The following LNPK variants were observed in gnomAD, a reference collection of about 807,000 sequenced individuals.
The protein encoded by LNPK is lunapark, ER junction formation factor.
LNPK carries 29 observed loss-of-function variants against 55.2 expected under a neutral mutation model. The observed-to-expected ratio is 0.53, with a 90% confidence interval of 0.39 to 0.72. LNPK has a LOEUF of 0.72. Among genes scored for constraint, LNPK ranks in the 30% least tolerant of loss-of-function variants. The pLI, the probability that LNPK is intolerant of heterozygous loss-of-function variation, is 0.00. For synonymous variants in LNPK, 162 were observed against 168.2 expected (o/e 0.96, Z 0.29); for missense variants, 467 against 494.8 (o/e 0.94, Z 0.53).
chr2:175,978,143 C>A (rs975475723), intron 5 of LNPK, among the ~76,000 whole-genome samples: 3 of 151,500 alleles, frequency 2.0e-5, no homozygotes, highest in Non-Finnish European at 4.4e-5. Context: ...AACCATGGAT[C>A]AAAAATATTC....
At chr2:175,997,864 G>A (rs62187032) in intron 1 of LNPK, among the ~76,000 whole-genome samples, 8,930 of 151,228 alleles carry the variant, frequency 0.059, 340 homozygotes, top group South Asian at 0.096. Flanking sequence ...GTCTCCAAAG[G>A]TGTAGCTGGG....
intron 8 of LNPK, among the ~76,000 whole-genome samples, chr2:175,957,091 C>T (rs1685730915): frequency 6.6e-6 from 1 of 152,116 alleles, no homozygotes; most frequent in Non-Finnish European, 1.5e-5. Context: ...GGCGCAGTAG[C>T]TCACACCTAT....
chr2:175,930,364 A>G (rs562036138), intron 12 of LNPK, among the ~76,000 whole-genome samples, 165 bp from the exon 13 acceptor site: 8 of 152,044 alleles, frequency 5.3e-5, no homozygotes, highest in African/African-American at 1.9e-4. Flanking sequence ...ATCTTTTACA[A>G]TAAGTACATA....
intron 4 of LNPK, among the ~76,000 whole-genome samples, chr2:175,985,094 T>C (rs906758912): frequency 1.3e-5 from 2 of 152,186 alleles, no homozygotes; most frequent in African/African-American, 2.4e-5. Context: ...AAACGCCAAT[T>C]TCAAAATGTT....
At chr2:175,931,173 C>T (rs895260542) in intron 12 of LNPK, among the ~76,000 whole-genome samples, 4 of 152,112 alleles carry the variant, frequency 2.6e-5, no homozygotes, top group Non-Finnish European at 4.4e-5. Context: ...AGAAATATGG[C>T]CAAACCATAT....
chr2:175,950,141 C>T (rs535989743), intron 8 of LNPK, among the ~76,000 whole-genome samples: 68 of 151,936 alleles, frequency 4.5e-4, no homozygotes, highest in Non-Finnish European at 8.2e-4. Flanking sequence ...GTTTTAACAC[C>T]CTCATCAATG....
chr2:175,998,686 G>A (rs935716348), intron 1 of LNPK, among the ~76,000 whole-genome samples: 3 of 152,108 alleles, frequency 2.0e-5, no homozygotes, highest in African/African-American at 7.2e-5. Context: ...ATAAGCACAA[G>A]AAATAGTATT....
intron 1 of LNPK, 143 bp downstream of exon 1, chr2:176,002,017 G>A: frequency 3.4e-6 from 1 of 291,464 alleles, no homozygotes; most frequent in South Asian, 2.6e-5. Context: ...AGCAGCCGCC[G>A]CAGAGCTCTA....
intron 8 of LNPK, among the ~76,000 whole-genome samples, chr2:175,963,325 A>G (rs1488458280): frequency 6.6e-6 from 1 of 152,180 alleles, no homozygotes; most frequent in Non-Finnish European, 1.5e-5. Context: ...ACAATGATTG[A>G]CTGGATTAAG....
rs184711511 is a variant in LNPK at position 175,957,426 on chromosome 2, C to T, written c.493+6946G>A. Reference sequence around the variant, plus strand: ...ATGTCTTCCCATGTTCTCAGACTTTCCTCATTGCTAAAGATGAGCTATCAC... The same window carrying T: ...ATGTCTTCCCATGTTCTCAGACTTTTCTCATTGCTAAAGATGAGCTATCAC... On this transcript the variant is annotated intron_variant, in intron 8 of 12. Transcript: ENST00000272748. 3.1e-3 allele frequency among the ~76,000 whole-genome samples: 477 copies of T among 151,882 alleles called. 2 individuals carry two copies. The highest frequency in any genetic ancestry group is 9.4e-3 in the African/African-American group (389 of 41,412).
At chr2:175,956,951 TGAC>T (rs1559044542) in intron 8 of LNPK, among the ~76,000 whole-genome samples, 1 of 152,204 alleles carries the variant, frequency 6.6e-6, no homozygotes, top group Non-Finnish European at 1.5e-5. Flanking sequence ...ATTAAATTTA[TGAC>T]TATTCATTTT....
In LNPK at chr2:175,937,268, T is replaced by C. The variant is rs1684593788; in HGVS notation, c.1054+76A>G. ...AATCTGATAAATTAATCCATCTTTA[T>C]CTAAAAGCATTATGCTTTTATTACT... On this transcript the variant is annotated intron_variant, in intron 12 of 12. Transcript: ENST00000272748. The C allele has an allele frequency of 2.9e-6, 4 of 1,357,182 alleles. No homozygotes were observed. In the African/African-American group the frequency reaches 4.4e-5, roughly 15 times the overall value. 84.1% of individuals were successfully genotyped at this position (1,357,182 alleles called of 1,614,324 possible).
At position 175,992,230 on chromosome 2, in the gene LNPK, C is replaced by T; in HGVS notation, c.257+1G>A. 6.5e-7 allele frequency: 1 copy of T among 1,546,794 alleles called. No homozygotes were observed. Among genetic ancestry groups the T allele is most frequent in the South Asian group, 1.3e-5 (1 of 79,172 alleles). ...ATCAACAAAAAGAATAATTTACTTACATCAATGGAAAAGCAAAAAATGGGA... is the reference window on the plus strand; with the variant it reads ...ATCAACAAAAAGAATAATTTACTTATATCAATGGAAAAGCAAAAAATGGGA... On this transcript the variant is annotated splice_donor_variant, in intron 4 of 12. Coordinates refer to ENST00000272748, the MANE Select transcript of LNPK (RefSeq NM_030650.3). LOFTEE classifies it high-confidence loss of function.
intron 5 of LNPK, among the ~76,000 whole-genome samples, chr2:175,972,916 G>A (rs1002899147): frequency 9.2e-5 from 14 of 152,140 alleles, no homozygotes; most frequent in Admixed American, 2.6e-4. Flanking sequence ...TAGAAACACA[G>A]AAATTTCCTT....
intron 5 of LNPK, among the ~76,000 whole-genome samples, chr2:175,974,491 C>T (rs7589918): frequency 1.5e-3 from 225 of 152,160 alleles, no homozygotes; most frequent in African/African-American, 5.1e-3. Context: ...GTAGGATGAA[C>T]GCAGCTAAAG....
chr2:175,995,710 G>GC, intron 1 of LNPK, 64 bp from the exon 2 acceptor site: 1 of 567,872 alleles, frequency 1.8e-6, no homozygotes, highest in Non-Finnish European at 3.1e-6. Flanking sequence ...TATAGATGTT[G>GC]CAATACTGCC....
At chr2:175,985,947 T>C (rs1687387961) in intron 4 of LNPK, among the ~76,000 whole-genome samples, 1 of 152,158 alleles carries the variant, frequency 6.6e-6, no homozygotes, top group South Asian at 2.1e-4. Flanking sequence ...TAGGTGAGGG[T>C]ACCTGCAACC....
intron 5 of LNPK, among the ~76,000 whole-genome samples, chr2:175,974,848 C>T (rs1686832748): frequency 6.6e-6 from 1 of 151,420 alleles, no homozygotes; most frequent in African/African-American, 2.4e-5. Flanking sequence ...TGAATTAGTA[C>T]AATTAAAAAC....
At chr2:175,945,327 C>T (rs534138851) in intron 9 of LNPK, among the ~76,000 whole-genome samples, 13 of 150,306 alleles carry the variant, frequency 8.6e-5, no homozygotes, top group Non-Finnish European at 1.6e-4. Context: ...CTGGCCAATA[C>T]GGCGAAACTC....
Sources: gnomAD v4.1 joint callset for allele counts (sites outside exome capture counted in the v4.1 genomes callset) on GRCh38, gnomAD v4.1.1 for gene constraint, MANE v1.5 for transcripts, NCBI Gene and HGNC (gene_info 2026-07-23, HGNC 2026-07-21) for gene names.